The following RSRP1 variants were observed in gnomAD, a reference collection of about 807,000 sequenced individuals.
RSRP1 encodes arginine/serine-rich protein 1.
Under a neutral mutation model 33.0 loss-of-function variants are expected in RSRP1, and 37 were observed. That is an observed-to-expected ratio of 1.12 (90% CI 0.86 to 1.48). RSRP1 has a LOEUF of 1.48. RSRP1 is among the 40% of genes most tolerant of loss of function. The probability of loss-of-function intolerance (pLI) is 0.00; values close to 1 mark genes in which losing one functional copy is unlikely to be tolerated. For synonymous variants in RSRP1, 167 were observed against 158.7 expected, an observed-to-expected ratio of 1.05 and a Z score of -0.40; for missense variants, 402 against 385.3, an observed-to-expected ratio of 1.04 and a Z score of -0.36.
intron 3 of RSRP1, 94 bp from the exon 4 acceptor site, chr1:25,243,727 G>C (rs1639100665): frequency 2.7e-6 from 4 of 1,508,822 alleles, no homozygotes; most frequent in African/African-American, 1.4e-5. Context: ...ACAAAATTTA[G>C]CTGTAGACAC....
intron 1 of RSRP1, among the ~76,000 whole-genome samples, chr1:25,252,506 G>T (rs1000839575): frequency 1.3e-5 from 2 of 151,538 alleles, no homozygotes; most frequent in Non-Finnish European, 2.9e-5. Flanking sequence ...GTCTCGTGGA[G>T]CTTCAGCGTA....
At chr1:25,255,827 G>T (rs988427172) in intron 1 of RSRP1, among the ~76,000 whole-genome samples, 5 of 152,134 alleles carry the variant, frequency 3.3e-5, no homozygotes, top group African/African-American at 1.2e-4. Context: ...GTTCGCTCCT[G>T]TGGGAATCTA....
At chr1:25,250,398 T>C (rs190711936), upstream of RSRP1, among the ~76,000 whole-genome samples, 1 of 152,306 alleles carries the variant, frequency 6.6e-6, no homozygotes, top group East Asian at 1.9e-4. Flanking sequence ...TCTGTCCGGC[T>C]CTGTCTGCTA....
chr1:25,261,680 A>G lies in RSRP1; in HGVS notation c.-66-14651T>C, dbSNP rs554242667. On this transcript the variant is annotated intron_variant, in intron 1 of 1. Coordinates refer to the RSRP1 transcript ENST00000561867. ...CAGCCTCCCAAAGTGCTGGGATTACAGGCATGAGCCACCGCGCCCAGCAGA... is the reference window on the plus strand; with the variant it reads ...CAGCCTCCCAAAGTGCTGGGATTACGGGCATGAGCCACCGCGCCCAGCAGA... Among the ~76,000 whole-genome samples, 5 of 148,188 alleles carry G rather than the reference A, an allele frequency of 3.4e-5. No homozygotes were observed. The South Asian group carries it at 8.5e-4, about 25-fold the overall frequency.
Position 25,243,590 on chromosome 1 carries a change from T to A in RSRP1, c.716A>T (p.Glu239Val). The A allele has an allele frequency of 6.2e-7, 1 of 1,613,728 alleles. No individual in the cohort carries two copies. Among genetic ancestry groups the A allele is most frequent in the Non-Finnish European group, 8.5e-7 (1 of 1,179,782 alleles). Residue 239 changes from glutamate to valine, a missense_variant, in exon 4 of 5, where the codon GAA becomes GTA. Coordinates refer to ENST00000243189, the MANE Select transcript of RSRP1 (RefSeq NM_020317.5). Reference protein sequence around the residue: ...VTEDGTRNPNEKPTQQRSIAF... With the variant: ...VTEDGTRNPNVKPTQQRSIAF... Reference sequence around the variant, plus strand: ...TATGCTTCTTTGCTGGGTAGGTTTTTCATTGGGATTTCGAGTTCCATCTTC... The same window carrying A: ...TATGCTTCTTTGCTGGGTAGGTTTTACATTGGGATTTCGAGTTCCATCTTC...
intron 1 of RSRP1, chr1:25,329,385 C>G: frequency 3.3e-6 from 1 of 306,582 alleles, no homozygotes; most frequent in Non-Finnish European, 6.6e-6. Flanking sequence ...GCTGGGATTA[C>G]AGGCACCCAC....
chr1:25,288,207 A>C (rs1211100013), intron 1 of RSRP1, among the ~76,000 whole-genome samples: 1 of 131,108 alleles, frequency 7.6e-6, no homozygotes, highest in East Asian at 2.0e-4. Context: ...CTGCAGAGAC[A>C]GGACCTCACT....
Position 25,243,581 on chromosome 1 carries a change from G to A in RSRP1, c.725C>T (p.Thr242Ile), listed in dbSNP as rs1266511155. The A allele has an allele frequency of 6.2e-7, 1 of 1,613,832 alleles. No homozygotes were observed. The highest frequency in any genetic ancestry group is 1.7e-5 in the Admixed American group (1 of 60,012). The change falls in exon 4 of 5, where the codon ACC (threonine) becomes ATC (isoleucine). Residue 242 changes from threonine (T) to isoleucine (I), a missense_variant. Transcript: ENST00000243189. ...DGTRNPNEKP[T>I]QQRSIAFSSN... is the part of the protein sequence containing the mutation. Reference sequence around the variant, plus strand: ...GCTAAAAGCTATGCTTCTTTGCTGGGTAGGTTTTTCATTGGGATTTCGAGT... The same window carrying A: ...GCTAAAAGCTATGCTTCTTTGCTGGATAGGTTTTTCATTGGGATTTCGAGT...
chr1:25,254,558 C>A (rs1374013253), intron 1 of RSRP1, among the ~76,000 whole-genome samples: 1 of 152,178 alleles, frequency 6.6e-6, no homozygotes, highest in Non-Finnish European at 1.5e-5. Context: ...GCCTCAGCCT[C>A]CTGAGTAGCT....
intron 2 of RSRP1, 56 bp from the exon 3 acceptor site, chr1:25,245,357 A>C (rs903328393): frequency 6.5e-7 from 1 of 1,535,822 alleles, no homozygotes; most frequent in African/African-American, 1.4e-5. Flanking sequence ...GTTATTTCCC[A>C]AGAGAACTCA....
rs76143255 is a variant in RSRP1, at chr1:25,270,663, C to G, written c.-66-23634G>C. On this transcript the variant is annotated intron_variant, in intron 1 of 1. Coordinates refer to the RSRP1 transcript ENST00000561867. ...GGCTACAGTTAAGTGGTCAAACACC[C>G]AGGTCCTGAAGTTAGGCTGCCTGGG... Among the ~76,000 whole-genome samples the G allele has an allele frequency of 1.3e-3, 171 of 132,178 alleles. 29 individuals carry two copies. Among genetic ancestry groups the G allele is most frequent in the African/African-American group, 4.2e-3 (162 of 38,726 alleles). 86.7% of individuals were successfully genotyped at this position (132,178 alleles called of 152,430 possible). A position where few individuals can be genotyped will look rare whatever the true frequency, so the allele number is the denominator to read the frequency against.
At position 25,282,115 on chromosome 1, in the gene RSRP1, T is replaced by C. The variant is rs538341124; in HGVS notation, c.-66-35086A>G. The stretch of plus-strand genomic sequence containing the variant: ...TCACTGTACTAAACATTATTTCCTT[T>C]GGATTTCCCAGAAACCTCTCAGGTG... On this transcript the variant is annotated intron_variant, in intron 1 of 1. Transcript: ENST00000561867. 4.5e-5 allele frequency among the ~76,000 whole-genome samples: 6 copies of C among 132,780 alleles called. No individual in the cohort carries two copies. In the South Asian group the frequency reaches 1.2e-3, roughly 26 times the overall value. 87.1% of individuals were successfully genotyped at this position (132,780 alleles called of 152,430 possible).
chr1:25,312,096 G>A lies in RSRP1; in HGVS notation c.-67+25882C>T, dbSNP rs552298098. ...AGAACCCAGCAAAACCACAGGGGCA[G>A]AGCTCCCCGAAGCTTCGGGGGTCCA... On this transcript the variant is annotated intron_variant, in intron 1 of 1. Coordinates refer to the RSRP1 transcript ENST00000561867. 1.0e-4 allele frequency among the ~76,000 whole-genome samples: 10 copies of A among 98,974 alleles called. No individual in the cohort carries two copies. In the South Asian group the frequency reaches 3.2e-3, roughly 32 times the overall value. 64.9% of individuals were successfully genotyped at this position (98,974 alleles called of 152,430 possible).
At chr1:25,292,224 T>C (rs1232202917) in intron 1 of RSRP1, among the ~76,000 whole-genome samples, 2 of 132,566 alleles carry the variant, frequency 1.5e-5, no homozygotes, top group Non-Finnish European at 3.6e-5. Context: ...CAAAGGACTT[T>C]GGATTTTACT....
intron 2 of RSRP1, 28 bp from the exon 3 acceptor site, chr1:25,245,329 A>G: frequency 1.3e-6 from 2 of 1,587,056 alleles, no homozygotes; most frequent in Non-Finnish European, 1.7e-6. Flanking sequence ...AGATTTTAAA[A>G]TACTCATTAA....
Position 25,246,479 on chromosome 1 carries a change from G to C in RSRP1, c.485C>G (p.Ser162Trp), listed in dbSNP as rs1216383842. The C allele has an allele frequency of 6.2e-7, 1 of 1,614,010 alleles. No homozygotes were observed. The highest frequency in any genetic ancestry group is 8.5e-7 in the Non-Finnish European group (1 of 1,179,964). Reference protein sequence around the residue: ...SRWRDRSRTRSRSRTPFRLSE... With the variant: ...SRWRDRSRTRWRSRTPFRLSE... ...TAAGCGAAAGGGGGTTCTGCTCCGC[G>C]ACCTCGTCCTGGATCTGTCCCTCCA... The change falls in exon 2 of 5, where the codon TCG (serine) becomes TGG (tryptophan). Residue 162 changes from serine to tryptophan, a missense_variant. Physicochemically the swap from Ser to Trp is radical, Grantham distance 177. Transcript: ENST00000243189.
chr1:25,311,482 G>A lies in RSRP1; in HGVS notation c.-67+26496C>T, dbSNP rs1263453644. On this transcript the variant is annotated intron_variant, in intron 1 of 1. Transcript: ENST00000561867. The stretch of plus-strand genomic sequence containing the variant: ...AGAGCTTGCAGTGAGCCAAGATCGC[G>A]CCACTGCACTCCAGCCTGGGCGACA... Among the ~76,000 whole-genome samples, 8 of 129,650 alleles carry A rather than the reference G, an allele frequency of 6.2e-5. 3 individuals are homozygous for A. Among genetic ancestry groups the A allele is most frequent in the Admixed American group, 3.0e-4 (4 of 13,336 alleles). The allele number at this position is 129,650 out of a possible 152,430, so 85.1% of individuals were successfully genotyped here.
At chr1:25,297,376 G>A (rs1183976432) in intron 1 of RSRP1, among the ~76,000 whole-genome samples, 1 of 99,480 alleles carries the variant, frequency 1.0e-5, no homozygotes, top group Non-Finnish European at 2.4e-5. Context: ...GGGTTAAGAT[G>A]GTACCTGCCA....
In RSRP1 at chr1:25,294,373, T is replaced by A. The variant is rs555547165; in HGVS notation, c.-67+43605A>T. ...AGGGCTGCAGCCAGGGAATAGTCCG[T>A]CGCAGAGCAAGGATTCAAATAAGCA... On this transcript the variant is annotated intron_variant, in intron 1 of 1. Coordinates refer to the RSRP1 transcript ENST00000561867. 2.3e-5 allele frequency: 18 copies of A among 788,534 alleles called. 2 individuals are homozygous for A. In the South Asian group the frequency reaches 2.4e-4, roughly 10 times the overall value. The allele number at this position is 788,534 out of a possible 1,614,324, so 48.8% of individuals were successfully genotyped here. A position where few individuals can be genotyped will look rare whatever the true frequency, so the allele number is the denominator to read the frequency against.
Sources: gnomAD v4.1 joint callset for allele counts (sites outside exome capture counted in the v4.1 genomes callset) on GRCh38, gnomAD v4.1.1 for gene constraint, MANE v1.5 for transcripts, NCBI Gene and HGNC (gene_info 2026-07-23, HGNC 2026-07-21) for gene names.